Variants in DPP6 observed in about 807,000 individuals in gnomAD.
DPP6 encodes the protein A-type potassium channel modulatory protein DPP6.
Under a neutral mutation model 122.6 loss-of-function variants are expected in DPP6, and 69 were observed. The ratio of observed to expected loss-of-function variants is 0.56; its 90% CI spans 0.46 to 0.69. DPP6 has a LOEUF of 0.69. Among genes scored for constraint, DPP6 ranks in the 30% least tolerant of loss-of-function variants. The probability of loss-of-function intolerance (pLI) is 0.00; values close to 1 mark genes in which losing one functional copy is unlikely to be tolerated. For missense variants in DPP6, 928 were observed against 1,116.9 expected (o/e 0.83, Z 2.41); for synonymous variants, 418 against 433.1 (o/e 0.97, Z 0.43).
At chr7:154,108,918 A>G (rs895846362) in intron 1 of DPP6, among the ~76,000 whole-genome samples, 4 of 152,248 alleles carry the variant, frequency 2.6e-5, no homozygotes, top group East Asian at 1.9e-4. Flanking sequence ...AGAAAATTGT[A>G]TTCATTTTTT....
intron 1 of DPP6, among the ~76,000 whole-genome samples, chr7:154,211,753 G>A (rs115547183): frequency 0.028 from 4,294 of 152,204 alleles, 138 homozygotes; most frequent in African/African-American, 0.07. Context: ...TCACCAAGTT[G>A]CCATCCGGGC....
chr7:154,790,678 C>T (rs1224739249), intron 10 of DPP6, among the ~76,000 whole-genome samples: 1 of 152,030 alleles, frequency 6.6e-6, no homozygotes, highest in East Asian at 1.9e-4. Flanking sequence ...AGGTGAGCCA[C>T]ATTCTGCCCC....
At chr7:154,686,748 G>T (rs1279880599) in intron 7 of DPP6, among the ~76,000 whole-genome samples, 1 of 152,142 alleles carries the variant, frequency 6.6e-6, no homozygotes, top group Non-Finnish European at 1.5e-5. Flanking sequence ...TTTCCAGGGG[G>T]TGACCTAAGT....
At chr7:154,021,316 C>T (rs1186524169) in intron 1 of DPP6, among the ~76,000 whole-genome samples, 1 of 152,162 alleles carries the variant, frequency 6.6e-6, no homozygotes, top group South Asian at 2.1e-4. Context: ...CAAAATGGGC[C>T]TGAGATCTTA....
At chr7:154,394,692 T>C (rs1375063518) in intron 1 of DPP6, among the ~76,000 whole-genome samples, 1 of 152,216 alleles carries the variant, frequency 6.6e-6, no homozygotes, top group East Asian at 1.9e-4. Flanking sequence ...AGTTTTGCCC[T>C]GTCTTTTCTT....
chr7:153,851,094 G>A, the DPP6 span, among the ~76,000 whole-genome samples: 1 of 152,090 alleles, frequency 6.6e-6, no homozygotes, highest in South Asian at 2.1e-4. Context: ...AATGTCTAGT[G>A]CTGATCAGAT....
At chr7:153,757,561 G>A in the DPP6 span, among the ~76,000 whole-genome samples, 16 of 152,220 alleles carry the variant, frequency 1.1e-4, no homozygotes, top group Admixed American at 2.0e-4. Context: ...TCAGGTGGGT[G>A]GGCACCGCTC....
intron 17 of DPP6, among the ~76,000 whole-genome samples, chr7:154,861,812 T>G (rs1454195718): frequency 2.0e-5 from 3 of 152,178 alleles, no homozygotes; most frequent in Non-Finnish European, 4.4e-5. Context: ...ACGTGTGCGC[T>G]CCTGGTTTTT....
chr7:153,762,569 G>A, the DPP6 span, among the ~76,000 whole-genome samples: 2 of 151,450 alleles, frequency 1.3e-5, no homozygotes, highest in Non-Finnish European at 2.9e-5. Flanking sequence ...TCAGGAATTC[G>A]AGACCAGCCT....
intron 1 of DPP6, among the ~76,000 whole-genome samples, chr7:154,381,863 G>A (rs575848644): frequency 6.6e-5 from 10 of 152,152 alleles, no homozygotes; most frequent in Middle Eastern, 3.4e-3. Context: ...CTCCTGGGCC[G>A]GGCCCTTCAA....
intron 1 of DPP6, among the ~76,000 whole-genome samples, chr7:154,234,140 C>T (rs1004482299): frequency 3.9e-5 from 6 of 152,132 alleles, no homozygotes; most frequent in South Asian, 2.1e-4. Flanking sequence ...CAATGTGGCC[C>T]ATGTAGCCTC....
At chr7:154,840,949 G>A (rs1390586502) in intron 16 of DPP6, among the ~76,000 whole-genome samples, 1 of 152,158 alleles carries the variant, frequency 6.6e-6, no homozygotes, top group African/African-American at 2.4e-5. Flanking sequence ...TGCTGTTAAC[G>A]AGTCAATGTA....
At chr7:153,953,134 A>G (rs1802298617) in intron 1 of DPP6, among the ~76,000 whole-genome samples, 1 of 152,182 alleles carries the variant, frequency 6.6e-6, no homozygotes, top group Non-Finnish European at 1.5e-5. Flanking sequence ...AAATATCAAT[A>G]CTACCATTAT....
chr7:154,784,985 G>A (rs1347293422), intron 10 of DPP6, among the ~76,000 whole-genome samples: 1 of 152,104 alleles, frequency 6.6e-6, no homozygotes, highest in African/African-American at 2.4e-5. Context: ...TATGAACTTG[G>A]TCTGGTTGGA....
Position 154,678,250 on chromosome 7 carries a change from C to T in DPP6, c.762+8809C>T, listed in dbSNP as rs144738892. Among the ~76,000 whole-genome samples the T allele has an allele frequency of 3.9e-3, 590 of 152,330 alleles. 5 individuals are homozygous for T. The highest frequency in any genetic ancestry group is 0.013 in the African/African-American group (556 of 41,578). On this transcript the variant is annotated intron_variant, in intron 7 of 25. Coordinates refer to ENST00000377770, the MANE Select transcript of DPP6 (RefSeq NM_130797.4). ...ACCGCCGCCCAACAGCTGCAACCCG[C>T]AGCTCGGGTTCCCTTCCACGTGGAA...
At chr7:153,891,242 T>A (rs1253304902) in intron 1 of DPP6, among the ~76,000 whole-genome samples, 1 of 149,360 alleles carries the variant, frequency 6.7e-6, no homozygotes, top group African/African-American at 2.5e-5. Context: ...CAGGATGGTC[T>A]CGATCTCTTG....
At chr7:154,795,043 C>T (rs1346651181) in intron 11 of DPP6, among the ~76,000 whole-genome samples, 1 of 152,072 alleles carries the variant, frequency 6.6e-6, no homozygotes, top group East Asian at 1.9e-4. Context: ...CTTGCCTGAC[C>T]TTTTATCTAA....
intron 5 of DPP6, among the ~76,000 whole-genome samples, chr7:154,635,268 G>T (rs1563041833): frequency 6.6e-6 from 1 of 152,006 alleles, no homozygotes; most frequent in Non-Finnish European, 1.5e-5. Flanking sequence ...CTCCATAAAT[G>T]CCACCCACCC....
intron 10 of DPP6, among the ~76,000 whole-genome samples, chr7:154,787,490 G>C (rs908111552): frequency 6.6e-6 from 1 of 152,110 alleles, no homozygotes; most frequent in Non-Finnish European, 1.5e-5. Context: ...GATGTCAGGT[G>C]GTTCCAGAAA....
Sources: allele counts gnomAD v4.1 joint callset (sites outside exome capture counted in the v4.1 genomes callset), GRCh38; gene constraint gnomAD v4.1.1; transcripts MANE v1.5; gene names NCBI Gene and HGNC (gene_info 2026-07-23, HGNC 2026-07-21).